The following RIMS2 variants were observed in gnomAD, a reference collection of about 807,000 sequenced individuals.
RIMS2 encodes the protein regulating synaptic membrane exocytosis protein 2.
Under a neutral mutation model 174.4 loss-of-function variants are expected in RIMS2, and 59 were observed. The observed-to-expected ratio is 0.34, with a 90% CI of 0.27 to 0.42. The LOEUF is 0.42. RIMS2 is among the 10% of genes least tolerant of loss of function. RIMS2 has a pLI of 1.00. For missense variants in RIMS2, 1,620 were observed against 1,666.3 expected (o/e 0.97, Z 0.48); for synonymous variants, 606 against 572.5 (o/e 1.06, Z -0.84).
chr8:103,607,064 T>G (rs1329737699), intron 1 of RIMS2, among the ~76,000 whole-genome samples: 1 of 152,126 alleles, frequency 6.6e-6, no homozygotes, highest in Non-Finnish European at 1.5e-5. Flanking sequence ...CTGGTTATTT[T>G]GCTCGTTAGT....
intron 16 of RIMS2, among the ~76,000 whole-genome samples, chr8:103,987,161 T>G (rs1377486905): frequency 6.6e-6 from 1 of 152,080 alleles, no homozygotes; most frequent in African/African-American, 2.4e-5. Context: ...TATTCCTTTT[T>G]CATTTTTTTT....
intron 14 of RIMS2, among the ~76,000 whole-genome samples, chr8:103,960,352 A>G (rs2089555989): frequency 6.6e-6 from 1 of 152,194 alleles, no homozygotes; most frequent in African/African-American, 2.4e-5. Context: ...AAAAACACAA[A>G]CATGGTGCTC....
At chr8:104,110,837 T>C (rs997116831) in intron 19 of RIMS2, among the ~76,000 whole-genome samples, 1 of 152,186 alleles carries the variant, frequency 6.6e-6, no homozygotes, top group Non-Finnish European at 1.5e-5. Flanking sequence ...CACTCTGAGA[T>C]GCACTATAAT....
intron 4 of RIMS2, among the ~76,000 whole-genome samples, chr8:103,901,693 A>G (rs1251099988): frequency 6.6e-6 from 1 of 152,190 alleles, no homozygotes; most frequent in Non-Finnish European, 1.5e-5. Flanking sequence ...CATCAATTAC[A>G]TGTTTTTAAA....
At chr8:103,531,967 T>C (rs1837394393) in intron 1 of RIMS2, among the ~76,000 whole-genome samples, 1 of 152,202 alleles carries the variant, frequency 6.6e-6, no homozygotes, top group Non-Finnish European at 1.5e-5. Flanking sequence ...CAATATTAAA[T>C]AATTATAGTC....
At chr8:104,223,751 G>A (rs2099168220) in intron 19 of RIMS2, 2 of 1,595,824 alleles carry the variant, frequency 1.3e-6, no homozygotes, top group East Asian at 2.2e-5. Flanking sequence ...GGCACTGGCC[G>A]GCTACTTTCC....
intron 19 of RIMS2, among the ~76,000 whole-genome samples, chr8:104,158,405 A>AT (rs1289188356): frequency 1.4e-5 from 2 of 147,828 alleles, no homozygotes; most frequent in African/African-American, 5.3e-5. Flanking sequence ...TCCTTTGGGT[A>AT]TATACCCAGT....
chr8:103,881,380 G>T (rs1475998012), intron 3 of RIMS2, among the ~76,000 whole-genome samples: 2 of 151,394 alleles, frequency 1.3e-5, no homozygotes, highest in Non-Finnish European at 3.0e-5. Flanking sequence ...ATTATAGCTG[G>T]TATTAGTAAC....
chr8:104,011,444 G>A (rs12678653), intron 17 of RIMS2, among the ~76,000 whole-genome samples: 1,981 of 151,902 alleles, frequency 0.013, 27 homozygotes, highest in Middle Eastern at 0.11. Context: ...TTTTTATAAC[G>A]AGACATTTTT....
At chr8:104,227,585 A>G (rs1184557285) in intron 19 of RIMS2, among the ~76,000 whole-genome samples, 2 of 152,336 alleles carry the variant, frequency 1.3e-5, no homozygotes, top group East Asian at 3.9e-4. Flanking sequence ...TTATGGCCCT[A>G]TAATGTAGGA....
At chr8:104,047,206 T>C (rs1448109920) in intron 19 of RIMS2, among the ~76,000 whole-genome samples, 1 of 147,760 alleles carries the variant, frequency 6.8e-6, no homozygotes, top group Non-Finnish European at 1.5e-5. Context: ...CAACATTTTT[T>C]AGTTCTTTTT....
chr8:103,707,214 T>C (rs921161639), intron 2 of RIMS2, among the ~76,000 whole-genome samples: 2 of 152,166 alleles, frequency 1.3e-5, no homozygotes, highest in African/African-American at 4.8e-5. Flanking sequence ...CCAAAATAGG[T>C]ATTTTGAATT....
chr8:103,583,293 G>T (rs1394037894), intron 1 of RIMS2, among the ~76,000 whole-genome samples: 1 of 152,108 alleles, frequency 6.6e-6, no homozygotes, highest in African/African-American at 2.4e-5. Context: ...CAAATATCTG[G>T]AAAGCCTTCC....
intron 1 of RIMS2, among the ~76,000 whole-genome samples, chr8:103,604,397 T>G (rs1364138057): frequency 6.6e-6 from 1 of 152,162 alleles, no homozygotes; most frequent in East Asian, 1.9e-4. Flanking sequence ...TTTTGGTTAC[T>G]ATAGCCTTGT....
At chr8:103,851,104 G>A (rs1001899719) in intron 3 of RIMS2, among the ~76,000 whole-genome samples, 3 of 152,040 alleles carry the variant, frequency 2.0e-5, no homozygotes, top group Middle Eastern at 6.8e-3. Context: ...AGGGAAAGGT[G>A]CTTAGAGAAC....
At chr8:103,908,099 T>A (rs2074875013) in intron 4 of RIMS2, among the ~76,000 whole-genome samples, 1 of 151,984 alleles carries the variant, frequency 6.6e-6, no homozygotes, top group African/African-American at 2.4e-5. Context: ...TGGAGTGCAG[T>A]GGCGCAATCT....
At chr8:103,868,486 T>A (rs1258609892) in intron 3 of RIMS2, among the ~76,000 whole-genome samples, 1 of 152,100 alleles carries the variant, frequency 6.6e-6, no homozygotes, top group Non-Finnish European at 1.5e-5. Flanking sequence ...AGGTCATGAA[T>A]CTGTTCAGTA....
intron 3 of RIMS2, among the ~76,000 whole-genome samples, chr8:103,863,008 A>G (rs139120246): frequency 4.9e-4 from 75 of 152,252 alleles, no homozygotes; most frequent in African/African-American, 1.6e-3. Context: ...TGTATTGAAT[A>G]TAAATGGTGA....
intron 1 of RIMS2, among the ~76,000 whole-genome samples, chr8:103,694,001 C>T (rs545468141): frequency 3.3e-5 from 5 of 152,110 alleles, no homozygotes; most frequent in East Asian, 3.9e-4. Flanking sequence ...TCCTGGGGCC[C>T]GAGTCTTTTA....
Sources: gnomAD v4.1 joint callset for allele counts (sites outside exome capture counted in the v4.1 genomes callset) on GRCh38, gnomAD v4.1.1 for gene constraint, MANE v1.5 for transcripts, NCBI Gene and HGNC (gene_info 2026-07-23, HGNC 2026-07-21) for gene names.